Variants in HDAC5 observed in about 807,000 individuals in gnomAD.
HDAC5 encodes histone deacetylase 5.
A neutral mutation model predicts 133.3 loss-of-function variants in HDAC5; 25 were observed. The observed-to-expected ratio is 0.19, with a 90% CI of 0.14 to 0.26. The LOEUF is 0.26. HDAC5 is among the 10% of genes least tolerant of loss of function. The pLI is 1.00. For synonymous variants in HDAC5, 589 were observed against 610.8 expected (o/e 0.96, Z 0.53); for missense variants, 1,041 against 1,460.5 (o/e 0.71, Z 4.68).
In HDAC5 at chr17:44,092,941, G is replaced by A. The variant is rs78677948; in HGVS notation, c.642-135C>T. 0.013 allele frequency: 8,696 copies of A among 660,342 alleles called. 611 individuals are homozygous for A. The African/African-American group carries it at 0.14, about 11-fold the overall frequency. 40.9% of individuals were successfully genotyped at this position (660,342 alleles called of 1,614,324 possible). A position where few individuals can be genotyped will look rare whatever the true frequency, so the allele number is the denominator to read the frequency against. ...AGGACGTGGATCTTGGGGAAGGAAT[G>A]AGGAAATAAACCAGGGATGGGGGTC... On this transcript the variant is annotated intron_variant, in intron 6 of 26. Coordinates refer to ENST00000682912, the MANE Select transcript of HDAC5 (RefSeq NM_005474.5).
chr17:44,123,409 G>C, intron 1 of HDAC5, 95 bp downstream of exon 1: 1 of 349,402 alleles, frequency 2.9e-6, no homozygotes, highest in Non-Finnish European at 5.2e-6. Context: ...CGCGCGCGCT[G>C]GGAGCCCGCG....
intron 19 of HDAC5, 26 bp downstream of exon 19, chr17:44,082,739 G>A (rs1474048114): frequency 5.0e-6 from 8 of 1,599,536 alleles, no homozygotes; most frequent in South Asian, 1.1e-5. Flanking sequence ...AGGAAGGGGC[G>A]AGGGCAGAGA....
chr17:44,101,410 CAAAAA>C (rs35671008), intron 3 of HDAC5, among the ~76,000 whole-genome samples: 16 of 66,796 alleles, frequency 2.4e-4, no homozygotes, highest in Non-Finnish European at 4.2e-4. Flanking sequence ...GACTCCGTCT[CAAAAA>C]AAAAAAAAAA....
At chr17:44,089,801 G>A (rs999969016) in intron 11 of HDAC5, among the ~76,000 whole-genome samples, 1 of 143,782 alleles carries the variant, frequency 7.0e-6, no homozygotes, top group African/African-American at 2.6e-5. Context: ...GCACACGCCT[G>A]TAGTCTTAAC....
At chr17:44,086,807 G>T in intron 13 of HDAC5, 70 bp from the exon 14 acceptor site, 1 of 1,196,326 alleles carries the variant, frequency 8.4e-7, no homozygotes. Context: ...GGCCCTGTCA[G>T]GGCCTCCAGT....
In HDAC5 at chr17:44,093,860, G is replaced by A. The variant is rs770551727; in HGVS notation, c.95-26C>T. The A allele has an allele frequency of 1.9e-5, 28 of 1,464,428 alleles. No homozygotes were observed. The African/African-American group carries it at 2.1e-4, about 11-fold the overall frequency. 90.7% of individuals were successfully genotyped at this position (1,464,428 alleles called of 1,614,324 possible). A position where few individuals can be genotyped will look rare whatever the true frequency, so the allele number is the denominator to read the frequency against. On this transcript the variant is annotated intron_variant, in intron 3 of 26. Coordinates refer to ENST00000682912, the MANE Select transcript of HDAC5 (RefSeq NM_005474.5). ...CTGTGGGCAGAAGAGACAGGAAGGA[G>A]TTAGTGGGCCCAGCCCCAGACTCCA...
In HDAC5 at chr17:44,117,633, G is replaced by A. The variant is rs2052730025; in HGVS notation, c.-118C>T. ...CAGACGGACGGGACGGGAGCCCGGG[G>A]CCGCCGTGCCTCTAATGCCCATCCG... On this transcript the variant is annotated 5_prime_UTR_variant, in exon 2 of 27. Transcript: ENST00000682912. The surrounding 1 kb of genome is among the most constrained non-coding windows in gnomAD (Gnocchi z 4.2). The A allele has an allele frequency of 8.3e-7, 1 of 1,207,526 alleles. No homozygotes were observed. The highest frequency in any genetic ancestry group is 1.7e-5 in the Admixed American group (1 of 57,888). 74.8% of individuals were successfully genotyped at this position (1,207,526 alleles called of 1,614,324 possible). A position where few individuals can be genotyped will look rare whatever the true frequency, so the allele number is the denominator to read the frequency against.
At chr17:44,104,534 C>T (rs970130922) in intron 3 of HDAC5, among the ~76,000 whole-genome samples, 5 of 152,046 alleles carry the variant, frequency 3.3e-5, no homozygotes, top group Non-Finnish European at 7.4e-5. Flanking sequence ...AACACAAACC[C>T]GTGCAGCCAG....
Position 44,083,473 on chromosome 17 carries a change from G to A in HDAC5, c.2463+72C>T. 2.8e-6 allele frequency: 3 copies of A among 1,083,114 alleles called. No individual in the cohort carries two copies. In the South Asian group the frequency reaches 4.1e-5, roughly 15 times the overall value. 67.1% of individuals were successfully genotyped at this position (1,083,114 alleles called of 1,614,324 possible). Reference sequence around the variant, plus strand: ...AGTGCCTCACTGAAAGGATCCCAAGGCTGCCCCTGTCCTCTGCCTCTGAGG... The same window carrying A: ...AGTGCCTCACTGAAAGGATCCCAAGACTGCCCCTGTCCTCTGCCTCTGAGG... On this transcript the variant is annotated intron_variant, in intron 18 of 26. Transcript: ENST00000682912.
At chr17:44,096,217 C>A (rs2051262789) in intron 3 of HDAC5, among the ~76,000 whole-genome samples, 1 of 152,110 alleles carries the variant, frequency 6.6e-6, no homozygotes, top group Non-Finnish European at 1.5e-5. Flanking sequence ...CCAACCCATT[C>A]CTGTTTCTCT....
chr17:44,080,258 G>A (rs368521543), intron 22 of HDAC5, 33 bp from the exon 23 acceptor site: 26 of 1,589,832 alleles, frequency 1.6e-5, no homozygotes, highest in Non-Finnish European at 2.2e-5. Context: ...GAGCCCGGCA[G>A]ATGACCAGGC....
intron 3 of HDAC5, among the ~76,000 whole-genome samples, chr17:44,100,007 A>T (rs1319650026): frequency 1.3e-5 from 2 of 151,914 alleles, no homozygotes; most frequent in Non-Finnish European, 2.9e-5. Context: ...CCTCTGGGGG[A>T]GATGATGTAG....
intron 3 of HDAC5, among the ~76,000 whole-genome samples, chr17:44,100,578 C>CAAAAAAAA (rs869274112): frequency 9.0e-5 from 8 of 89,372 alleles, no homozygotes; most frequent in African/African-American, 1.9e-4. Context: ...ACTAAAGATA[C>CAAAAAAAA]AAAAAAAAAA....
chr17:44,088,028 G>C (rs2050752074), intron 12 of HDAC5, among the ~76,000 whole-genome samples: 1 of 151,826 alleles, frequency 6.6e-6, no homozygotes, highest in Non-Finnish European at 1.5e-5. Context: ...TTGTTTTTTT[G>C]AGACGGTCTC....
intron 3 of HDAC5, among the ~76,000 whole-genome samples, chr17:44,099,947 G>A (rs1288892667): frequency 1.3e-5 from 2 of 152,214 alleles, no homozygotes; most frequent in Non-Finnish European, 1.5e-5. Context: ...CATCAGCCCA[G>A]TGGGGACTTC....
At chr17:44,104,122 A>G (rs2051787205) in intron 3 of HDAC5, among the ~76,000 whole-genome samples, 1 of 146,694 alleles carries the variant, frequency 6.8e-6, no homozygotes, top group Admixed American at 6.8e-5. Context: ...GGATTTCAAG[A>G]CCAGCCTGGC....
chr17:44,111,837 C>T (rs1327421145), intron 2 of HDAC5, among the ~76,000 whole-genome samples: 1 of 152,162 alleles, frequency 6.6e-6, no homozygotes, highest in African/African-American at 2.4e-5. Context: ...GGATACTCCT[C>T]CTGGGCAGAC....
Position 44,079,035 on chromosome 17 carries a change from T to G in HDAC5, c.3078+109A>C, listed in dbSNP as rs894594858. On this transcript the variant is annotated intron_variant, in intron 24 of 26. Coordinates refer to ENST00000682912, the MANE Select transcript of HDAC5 (RefSeq NM_005474.5). ...CTCAGAAAGCCTGGCCATTAGCTGT[T>G]CCTTAGGACCAAGGAAAAGCTTCCT... The G allele has an allele frequency of 2.0e-6, 3 of 1,522,664 alleles. No homozygotes were observed. In the African/African-American group the frequency reaches 4.1e-5, roughly 21 times the overall value. The allele number at this position is 1,522,664 out of a possible 1,614,324, so 94.3% of individuals were successfully genotyped here. A position where few individuals can be genotyped will look rare whatever the true frequency, so the allele number is the denominator to read the frequency against.
chr17:44,123,509 G>A lies in HDAC5; in HGVS notation c.-195C>T, dbSNP rs1014871118. On this transcript the variant is annotated 5_prime_UTR_variant, in exon 1 of 27. Coordinates refer to ENST00000682912, the MANE Select transcript of HDAC5 (RefSeq NM_005474.5). ...GGCCGGGGCGGCGCGCTCACCCGCT[G>A]CGGCTCGAGCTCCGGCTTCGCGGGC... 4 of 386,292 alleles carry A rather than the reference G, an allele frequency of 1.0e-5. No individual in the cohort carries two copies. Among genetic ancestry groups the A allele is most frequent in the Non-Finnish European group, 1.8e-5 (4 of 218,984 alleles). The allele number at this position is 386,292 out of a possible 1,614,324, so 23.9% of individuals were successfully genotyped here.
Sources: gnomAD v4.1 joint callset for allele counts (sites outside exome capture counted in the v4.1 genomes callset) on GRCh38, gnomAD v4.1.1 for gene constraint, Gnocchi (gnomAD v3.1) non-coding constraint, MANE v1.5 for transcripts, NCBI Gene and HGNC (gene_info 2026-07-23, HGNC 2026-07-21) for gene names.